The following NUP62CL variants were observed in gnomAD, a reference collection of about 807,000 sequenced individuals.
The protein encoded by NUP62CL is nucleoporin-62 C-terminal-like protein.
A neutral mutation model predicts 15.3 loss-of-function variants in NUP62CL; 13 were observed. The ratio of observed to expected loss-of-function variants is 0.85; its 90% CI spans 0.55 to 1.35. The LOEUF (loss-of-function observed/expected upper bound fraction) is 1.35. NUP62CL is among the 40% of genes most tolerant of loss of function. The pLI is 0.00. For synonymous variants in NUP62CL, 54 were observed against 49.2 expected (o/e 1.10, Z -0.41); for missense variants, 123 against 130.6 (o/e 0.94, Z 0.28).
At chrX:107,200,192 C>CT (rs1927445501) in intron 1 of NUP62CL, among the ~76,000 whole-genome samples, 1 of 111,899 alleles carries the variant, frequency 8.9e-6, no homozygotes, top group Non-Finnish European at 1.9e-5. Context: ...ACATTAAGTT[C>CT]TTTTTTCCCC....
At chrX:107,168,993 A>G (rs1417198416) in intron 3 of NUP62CL, among the ~76,000 whole-genome samples, 1 of 112,138 alleles carries the variant, frequency 8.9e-6, no homozygotes, top group Admixed American at 9.5e-5. Context: ...AGGATGGCCA[A>G]CTGAAGGATG....
intron 1 of NUP62CL, among the ~76,000 whole-genome samples, chrX:107,206,014 C>T (rs767286778): frequency 1.3e-3 from 146 of 110,545 alleles, no homozygotes; most frequent in Non-Finnish European, 2.4e-3. Context: ...CACATACAAA[C>T]ACACTATCGC....
chrX:107,160,491 C>T (rs10436745), intron 4 of NUP62CL, among the ~76,000 whole-genome samples: 8 of 108,404 alleles, frequency 7.4e-5, no homozygotes, highest in African/African-American at 2.7e-4. Context: ...CCTACAACTA[C>T]CTGATCTTTG....
chrX:107,194,038 T>C (rs1302069215), intron 1 of NUP62CL, among the ~76,000 whole-genome samples: 1 of 109,618 alleles, frequency 9.1e-6, no homozygotes, highest in Non-Finnish European at 1.9e-5. Context: ...AATCTGCCAG[T>C]ACCGAGGGCA....
chrX:107,175,083 A>G lies in NUP62CL; in HGVS notation c.58+6T>C. 8.4e-7 allele frequency: 1 copy of G among 1,190,050 alleles called. No homozygotes were observed. Among genetic ancestry groups the G allele is most frequent in the Non-Finnish European group, 1.1e-6 (1 of 877,021 alleles). ...AACAGTATTTTCTTTAGAATTAGTA[A>G]CTTACATGAGAGCCCAATAGCAGCA... On this transcript the variant is annotated splice_donor_region_variant and intron_variant, in intron 3 of 8. Transcript: ENST00000372466.
intron 1 of NUP62CL, among the ~76,000 whole-genome samples, chrX:107,201,961 A>C: frequency 9.0e-6 from 1 of 111,605 alleles, no homozygotes; most frequent in South Asian, 3.8e-4. Context: ...AAACTTCAGA[A>C]GAATAAATTA....
At chrX:107,154,270 T>C (rs760203865) in intron 4 of NUP62CL, 24 bp from the exon 5 acceptor site, 2 of 1,147,282 alleles carry the variant, frequency 1.7e-6, no homozygotes, top group Admixed American at 2.5e-5. Context: ...AGATGCAGGA[T>C]GATCCAATAA....
chrX:107,147,119 C>T (rs1436171733), intron 8 of NUP62CL, among the ~76,000 whole-genome samples: 2 of 111,736 alleles, frequency 1.8e-5, no homozygotes, highest in Non-Finnish European at 1.9e-5. Context: ...AAAATCTTGA[C>T]TTCTATTATC....
At chrX:107,151,899 G>A (rs1161677784) in intron 7 of NUP62CL, among the ~76,000 whole-genome samples, 1 of 103,524 alleles carries the variant, frequency 9.7e-6, no homozygotes, top group African/African-American at 3.5e-5. Flanking sequence ...GTGTGGTGGC[G>A]CATGCCTGTA....
intron 1 of NUP62CL, among the ~76,000 whole-genome samples, chrX:107,201,014 T>C (rs1467577147): frequency 9.0e-6 from 1 of 111,370 alleles, no homozygotes; most frequent in Non-Finnish European, 1.9e-5. Flanking sequence ...TATAAAGATC[T>C]CAAAAACTGT....
intron 4 of NUP62CL, among the ~76,000 whole-genome samples, chrX:107,160,314 G>A (rs1233396907): frequency 9.5e-6 from 1 of 105,808 alleles, no homozygotes; most frequent in Non-Finnish European, 1.9e-5. Context: ...AAAAGAGCCC[G>A]CATCACCAAG....
intron 1 of NUP62CL, among the ~76,000 whole-genome samples, chrX:107,198,384 G>C (rs375562195): frequency 9.0e-6 from 1 of 111,695 alleles, no homozygotes; most frequent in Non-Finnish European, 1.9e-5. Flanking sequence ...CTGGCCACCC[G>C]AGCCAGGAGC....
intron 8 of NUP62CL, among the ~76,000 whole-genome samples, chrX:107,132,671 G>T: frequency 8.9e-6 from 1 of 111,785 alleles, no homozygotes; most frequent in Non-Finnish European, 1.9e-5. Flanking sequence ...GGCCTGGGAG[G>T]ATGGCCTGGG....
intron 8 of NUP62CL, among the ~76,000 whole-genome samples, chrX:107,147,404 G>T (rs927676271): frequency 9.0e-6 from 1 of 110,730 alleles, no homozygotes; most frequent in Admixed American, 9.7e-5. Flanking sequence ...CATTATTTTT[G>T]ACTTAATTCT....
rs1380515855 is a variant in NUP62CL at position 107,194,905 on chromosome X, G to A, written c.-91-1833C>T. On this transcript the variant is annotated intron_variant, in intron 1 of 8. Transcript: ENST00000372466. ...AATCTCAGCTCACTGTAACCTCCGCGTCCCGGATTCAAGCAATTCTCCCGC... is the reference window on the plus strand; with the variant it reads ...AATCTCAGCTCACTGTAACCTCCGCATCCCGGATTCAAGCAATTCTCCCGC... Among the ~76,000 whole-genome samples, 25 of 99,041 alleles carry A rather than the reference G, an allele frequency of 2.5e-4. 1 individual carries two copies. The highest frequency in any genetic ancestry group is 5.3e-4 in the African/African-American group (14 of 26,268). The allele number at this position is 99,041 out of a possible 115,157, so 86.0% of individuals were successfully genotyped here.
chrX:107,205,866 C>T (rs1265408272), intron 1 of NUP62CL, among the ~76,000 whole-genome samples: 2 of 110,614 alleles, frequency 1.8e-5, no homozygotes, highest in African/African-American at 3.3e-5. Flanking sequence ...TCGCGATGTT[C>T]CTTAGAGTGG....
chrX:107,198,279 C>T (rs1927400818), intron 1 of NUP62CL, among the ~76,000 whole-genome samples: 2 of 111,809 alleles, frequency 1.8e-5, no homozygotes, highest in African/African-American at 3.2e-5. Flanking sequence ...TCTGTAAAAA[C>T]GGACGAATCA....
chrX:107,191,386 T>C (rs147169458), intron 2 of NUP62CL, among the ~76,000 whole-genome samples: 2,680 of 108,774 alleles, frequency 0.025, 98 homozygotes, highest in African/African-American at 0.085. Flanking sequence ...GAAAGAGTAG[T>C]TCAGAAAATT....
rs3072235 is a variant in NUP62CL, at chrX:107,185,196, CAAAAAAAAAAAA to C, written c.-48+7821_-48+7832del. On this transcript the variant is annotated intron_variant, in intron 2 of 8. Coordinates refer to ENST00000372466, the MANE Select transcript of NUP62CL (RefSeq NM_017681.3). ...TGGGCGACACAGCGAGACTCCGTCT[CAAAAAAAAAAAA>C]AAAAAAAAAAAAATGGCTGAAGGAA... is the stretch of plus-strand genomic sequence containing the variant. Among the ~76,000 whole-genome samples the C allele has an allele frequency of 2.9e-4, 6 of 20,979 alleles. No individual in the cohort carries two copies. In the South Asian group the frequency reaches 0.019, roughly 66 times the overall value. The allele number at this position is 20,979 out of a possible 115,157, so 18.2% of individuals were successfully genotyped here.
Sources: allele counts gnomAD v4.1 joint callset (sites outside exome capture counted in the v4.1 genomes callset), GRCh38; gene constraint gnomAD v4.1.1; transcripts MANE v1.5; gene names NCBI Gene and HGNC (gene_info 2026-07-23, HGNC 2026-07-21).